The following CDH13 variants were observed in gnomAD, a reference collection of about 807,000 sequenced individuals.
CDH13 encodes the protein cadherin-13.
In CDH13, 24 loss-of-function variants were observed where a neutral mutation model predicts 63.8. The observed-to-expected ratio is 0.38, with a 90% CI of 0.27 to 0.53. The LOEUF (loss-of-function observed/expected upper bound fraction) is 0.53. Ranked by LOEUF, CDH13 falls within the 20% of genes least tolerant of loss-of-function variation. CDH13 has a pLI of 0.85. For synonymous variants in CDH13, 503 were observed against 355.3 expected (o/e 1.42, Z -4.67); for missense variants, 1,049 against 903.1 (o/e 1.16, Z -2.07).
At chr16:83,529,233 C>T (rs186821361) in intron 7 of CDH13, among the ~76,000 whole-genome samples, 4 of 151,880 alleles carry the variant, frequency 2.6e-5, no homozygotes, top group East Asian at 1.9e-4. Flanking sequence ...GTCCAGTGTA[C>T]GTGGATTGGA....
At chr16:83,414,293 A>G (rs975465720) in intron 6 of CDH13, among the ~76,000 whole-genome samples, 1 of 152,230 alleles carries the variant, frequency 6.6e-6, no homozygotes, top group Non-Finnish European at 1.5e-5. Context: ...CATATACTGT[A>G]TAATTCACCC....
intron 8 of CDH13, among the ~76,000 whole-genome samples, chr16:83,605,654 A>G (rs1354857914): frequency 6.6e-6 from 1 of 152,182 alleles, no homozygotes; most frequent in Non-Finnish European, 1.5e-5. Flanking sequence ...AGTGGTGATG[A>G]CACCGCTGAT....
At chr16:83,442,123 A>G (rs962389536) in intron 6 of CDH13, among the ~76,000 whole-genome samples, 2 of 152,158 alleles carry the variant, frequency 1.3e-5, no homozygotes, top group Admixed American at 1.3e-4. Flanking sequence ...AAGCATGGTT[A>G]TCACCATGCT....
chr16:83,497,891 A>G (rs2074184765), intron 7 of CDH13, among the ~76,000 whole-genome samples: 1 of 152,148 alleles, frequency 6.6e-6, no homozygotes, highest in African/African-American at 2.4e-5. Flanking sequence ...ATTAATCATC[A>G]CCTTGAAGTT....
At chr16:83,144,622 A>T (rs915703802) in intron 4 of CDH13, among the ~76,000 whole-genome samples, 1 of 152,260 alleles carries the variant, frequency 6.6e-6, no homozygotes, top group Non-Finnish European at 1.5e-5. Flanking sequence ...CTATGCCCAG[A>T]TCCTGCCAAA....
rs1399067476 is a variant in CDH13, at chr16:83,800,069, T to A, written c.*5039T>A. On this transcript the variant is annotated 3_prime_UTR_variant, in exon 14 of 14. Transcript: ENST00000567109. Reference sequence around the variant, plus strand: ...TATCATCACATCTATCGTTGGAGGGTTGCTGAGCTTGATACGCCTTTGAAC... The same window carrying A: ...TATCATCACATCTATCGTTGGAGGGATGCTGAGCTTGATACGCCTTTGAAC... 6.6e-6 allele frequency: 1 copy of A among 152,206 alleles called. No individual in the cohort carries two copies. The highest frequency in any genetic ancestry group is 1.5e-5 in the Non-Finnish European group (1 of 68,036). 9.4% of individuals were successfully genotyped at this position (152,206 alleles called of 1,614,324 possible).
At chr16:83,660,347 G>T (rs535659734) in intron 8 of CDH13, among the ~76,000 whole-genome samples, 2 of 152,264 alleles carry the variant, frequency 1.3e-5, no homozygotes, top group African/African-American at 4.8e-5. Flanking sequence ...AGATCATCAA[G>T]TATTAGATTC....
intron 4 of CDH13, among the ~76,000 whole-genome samples, chr16:83,213,646 T>C (rs2039402341): frequency 6.6e-6 from 1 of 152,174 alleles, no homozygotes; most frequent in Admixed American, 6.5e-5. Flanking sequence ...GAATGCATTG[T>C]ATGTTAATAG....
intron 8 of CDH13, among the ~76,000 whole-genome samples, chr16:83,616,771 G>C (rs964004310): frequency 6.6e-6 from 1 of 152,104 alleles, no homozygotes; most frequent in Non-Finnish European, 1.5e-5. Flanking sequence ...AAGCCATTTT[G>C]TACTGAACAA....
chr16:83,573,566 G>A (rs961427187), intron 7 of CDH13, among the ~76,000 whole-genome samples: 9 of 152,088 alleles, frequency 5.9e-5, no homozygotes, highest in Admixed American at 1.3e-4. Context: ...ATAACCTTGG[G>A]ATCCTACTTA....
rs11385287 is a variant in CDH13, at chr16:82,720,677, GT to G, written c.45+93551del. ...AGGGTGGTCTGGGCCAAGAGTTAGT[GT>G]TTTTTTTTTTCTCATCAACATTATA... On this transcript the variant is annotated intron_variant, in intron 1 of 13. Coordinates refer to ENST00000567109, the MANE Select transcript of CDH13 (RefSeq NM_001257.5). 1.7e-3 allele frequency among the ~76,000 whole-genome samples: 252 copies of G among 147,666 alleles called. 1 individual carries two copies. Among genetic ancestry groups the G allele is most frequent in the African/African-American group, 4.8e-3 (193 of 40,384 alleles).
intron 5 of CDH13, among the ~76,000 whole-genome samples, chr16:83,239,074 G>A (rs1390740213): frequency 6.6e-6 from 1 of 152,196 alleles, no homozygotes; most frequent in Non-Finnish European, 1.5e-5. Context: ...CTCACTGTTG[G>A]TCAGGGGACT....
At chr16:83,078,154 G>C (rs2032983080) in intron 3 of CDH13, among the ~76,000 whole-genome samples, 1 of 152,092 alleles carries the variant, frequency 6.6e-6, no homozygotes, top group African/African-American at 2.4e-5. Context: ...GCAGAGTTTT[G>C]GGCAGAATTC....
chr16:83,064,970 A>T (rs2031877786), intron 3 of CDH13, among the ~76,000 whole-genome samples: 1 of 152,072 alleles, frequency 6.6e-6, no homozygotes, highest in African/African-American at 2.4e-5. Flanking sequence ...TGTCTATCTG[A>T]AACTTTGCAC....
At chr16:83,366,916 A>C (rs1285361517) in intron 6 of CDH13, among the ~76,000 whole-genome samples, 3 of 152,130 alleles carry the variant, frequency 2.0e-5, no homozygotes, top group Non-Finnish European at 4.4e-5. Flanking sequence ...TTAATACCCA[A>C]AGCCCTCTTT....
At chr16:83,714,774 A>G (rs1274282922) in intron 10 of CDH13, among the ~76,000 whole-genome samples, 1 of 152,144 alleles carries the variant, frequency 6.6e-6, no homozygotes, top group African/African-American at 2.4e-5. Flanking sequence ...GAAGACAGAA[A>G]TGGGAAATGC....
chr16:83,420,126 A>G (rs2071673390), intron 6 of CDH13, among the ~76,000 whole-genome samples: 1 of 152,172 alleles, frequency 6.6e-6, no homozygotes, highest in South Asian at 2.1e-4. Context: ...AATTCTCAAG[A>G]TCAGGACATA....
At chr16:83,097,144 G>A (rs73600112) in intron 3 of CDH13, among the ~76,000 whole-genome samples, 2,388 of 152,224 alleles carry the variant, frequency 0.016, 49 homozygotes, top group African/African-American at 0.055. Flanking sequence ...CACCATAAAG[G>A]AGGAGACTCG....
intron 1 of CDH13, among the ~76,000 whole-genome samples, chr16:82,737,550 C>G (rs1181664169): frequency 6.6e-6 from 1 of 152,218 alleles, no homozygotes; most frequent in Non-Finnish European, 1.5e-5. Context: ...CCCCAACGGT[C>G]TTGCATTTCA....
Sources: gnomAD v4.1 joint callset for allele counts (sites outside exome capture counted in the v4.1 genomes callset) on GRCh38, gnomAD v4.1.1 for gene constraint, MANE v1.5 for transcripts, NCBI Gene and HGNC (gene_info 2026-07-23, HGNC 2026-07-21) for gene names.